The following MAN1C1 variants were observed in gnomAD, a reference collection of about 807,000 sequenced individuals.
The protein encoded by MAN1C1 is mannosidase alpha class 1C member 1.
In MAN1C1, 49 loss-of-function variants were observed where a neutral mutation model predicts 71.5. The ratio of observed to expected loss-of-function variants is 0.69; its 90% CI spans 0.54 to 0.87. MAN1C1 has a LOEUF of 0.87. Ranked by LOEUF, MAN1C1 falls within the 40% of genes least tolerant of loss-of-function variation. The pLI, the probability that MAN1C1 is intolerant of heterozygous loss-of-function variation, is 0.00. For missense variants in MAN1C1, 743 were observed against 835.0 expected (o/e 0.89, Z 1.36); for synonymous variants, 352 against 343.7 (o/e 1.02, Z -0.27).
At chr1:25,642,635 A>C (rs1158249845) in intron 1 of MAN1C1, among the ~76,000 whole-genome samples, 1 of 152,224 alleles carries the variant, frequency 6.6e-6, no homozygotes, top group African/African-American at 2.4e-5. Context: ...ATCTGCCCCA[A>C]CTATTTCTAG....
At chr1:25,744,601 C>A (rs894914949) in intron 2 of MAN1C1, among the ~76,000 whole-genome samples, 7 of 152,168 alleles carry the variant, frequency 4.6e-5, no homozygotes, top group African/African-American at 1.4e-4. Flanking sequence ...TCTTTGACCT[C>A]CAGCCTCATC....
chr1:25,778,092 A>C lies in MAN1C1; in HGVS notation c.1258-13A>C. 2.0e-6 allele frequency: 3 copies of C among 1,525,420 alleles called. No homozygotes were observed. Among genetic ancestry groups the C allele is most frequent in the Non-Finnish European group, 1.8e-6 (2 of 1,131,138 alleles). 94.5% of individuals were successfully genotyped at this position (1,525,420 alleles called of 1,614,324 possible). A position where few individuals can be genotyped will look rare whatever the true frequency, so the allele number is the denominator to read the frequency against. On this transcript the variant is annotated splice_polypyrimidine_tract_variant and intron_variant, in intron 8 of 11. Coordinates refer to ENST00000374332, the MANE Select transcript of MAN1C1 (RefSeq NM_020379.4). This position sits in a 1 kb window ranked among gnomAD's most constrained non-coding sequence, Gnocchi z 5.5. ...CGCCCCTTCTCCCTGCCCAATCCCC[A>C]CCTTGCTCCCAGGCGATAGAGACCT...
chr1:25,733,924 T>C (rs2046944797), intron 2 of MAN1C1, among the ~76,000 whole-genome samples: 1 of 151,676 alleles, frequency 6.6e-6, no homozygotes. Context: ...CTCTGCCTCC[T>C]GAGTAGCTGG....
intron 1 of MAN1C1, among the ~76,000 whole-genome samples, chr1:25,627,287 T>TTCTTC (rs59306066): frequency 0.082 from 12,469 of 151,756 alleles, 1,147 homozygotes; most frequent in East Asian, 0.22. Context: ...TTGTCTTCTC[T>TTCTTC]TCTTCTCTTC....
intron 1 of MAN1C1, among the ~76,000 whole-genome samples, chr1:25,679,829 T>C (rs902195619): frequency 6.6e-6 from 1 of 150,998 alleles, no homozygotes; most frequent in African/African-American, 2.4e-5. Context: ...AAATACTTCA[T>C]TGTATATTTC....
intron 1 of MAN1C1, among the ~76,000 whole-genome samples, chr1:25,659,403 A>G (rs1377915735): frequency 6.6e-6 from 1 of 152,154 alleles, no homozygotes; most frequent in Admixed American, 6.5e-5. Flanking sequence ...ATACTTCCTT[A>G]TGTAAAAAGC....
chr1:25,617,244 G>A lies in MAN1C1; in HGVS notation c.-554G>A, dbSNP rs2045112973. Among the ~76,000 whole-genome samples, 1 of 151,410 alleles carries A rather than the reference G, an allele frequency of 6.6e-6. No homozygotes were observed. Among genetic ancestry groups the A allele is most frequent in the African/African-American group, 2.4e-5 (1 of 41,296 alleles). ...GTCGAGCCCGGGCGCTGTCGCGACC[G>A]GGCCGGGTGTGCGCGCGCTCGGGGC... On this transcript the variant is annotated 5_prime_UTR_variant, in exon 1 of 12. Coordinates refer to ENST00000374332, the MANE Select transcript of MAN1C1 (RefSeq NM_020379.4). The surrounding 1 kb of genome is among the most constrained non-coding windows in gnomAD (Gnocchi z 5.1).
intron 1 of MAN1C1, among the ~76,000 whole-genome samples, chr1:25,676,908 G>A (rs2046076631): frequency 6.6e-6 from 1 of 152,110 alleles, no homozygotes; most frequent in Non-Finnish European, 1.5e-5. Flanking sequence ...AAACTTTGGA[G>A]TTTTCCACTC....
At chr1:25,638,680 T>A (rs2045497430) in intron 1 of MAN1C1, among the ~76,000 whole-genome samples, 1 of 152,156 alleles carries the variant, frequency 6.6e-6, no homozygotes. Context: ...GTTGACTCTT[T>A]CTTTACGCCA....
In MAN1C1 at chr1:25,617,920, C is replaced by A. The variant is rs1331748731; in HGVS notation, c.123C>A (p.Phe41Leu). Residue 41 changes from phenylalanine (F) to leucine (L), a missense_variant, in exon 1 of 12, where the codon TTC (phenylalanine) becomes TTA (leucine). Coordinates refer to ENST00000374332, the MANE Select transcript of MAN1C1 (RefSeq NM_020379.4). This position sits in a 1 kb window ranked among gnomAD's most constrained non-coding sequence, Gnocchi z 5.1. Reference protein sequence around the residue: ...GLVTLCFGALFLLPHSSRLKR... With the variant: ...GLVTLCFGALLLLPHSSRLKR... ...TCACCCTGTGCTTCGGGGCCCTCTT[C>A]CTGCTGCCCCACTCCTCTCGCCTCA... 6.2e-7 allele frequency: 1 copy of A among 1,607,228 alleles called. No individual in the cohort carries two copies. The highest frequency in any genetic ancestry group is 1.1e-5 in the South Asian group (1 of 90,136).
At chr1:25,667,887 T>C (rs1431713132) in intron 1 of MAN1C1, among the ~76,000 whole-genome samples, 1 of 152,194 alleles carries the variant, frequency 6.6e-6, no homozygotes, top group Non-Finnish European at 1.5e-5. Context: ...CACACTGAGC[T>C]GCCTGATTAA....
intron 1 of MAN1C1, among the ~76,000 whole-genome samples, chr1:25,672,962 CTGTT>C (rs2046012625): frequency 6.6e-6 from 1 of 151,886 alleles, no homozygotes; most frequent in Admixed American, 6.6e-5. Flanking sequence ...GCCCTGGTAG[CTGTT>C]TGGAGAAAGG....
At chr1:25,714,298 T>C (rs921023805) in intron 2 of MAN1C1, among the ~76,000 whole-genome samples, 2 of 152,196 alleles carry the variant, frequency 1.3e-5, no homozygotes, top group African/African-American at 4.8e-5. Flanking sequence ...AAGCACAAAC[T>C]AATACACACT....
intron 2 of MAN1C1, among the ~76,000 whole-genome samples, chr1:25,743,124 C>T (rs1216479228): frequency 6.6e-6 from 1 of 152,226 alleles, no homozygotes; most frequent in African/African-American, 2.4e-5. Context: ...GTCTTAACCT[C>T]ATTTTATAGA....
intron 1 of MAN1C1, among the ~76,000 whole-genome samples, chr1:25,653,169 C>T (rs7539165): frequency 0.05 from 7,572 of 152,208 alleles, 624 homozygotes; most frequent in African/African-American, 0.17. Context: ...TCTTGACCTC[C>T]TGGGCTCAAA....
intron 1 of MAN1C1, among the ~76,000 whole-genome samples, chr1:25,627,251 T>TTTCTCTTCTCTTCTCTTCTCTTCTC (rs140616480): frequency 6.6e-6 from 1 of 151,512 alleles, no homozygotes; most frequent in African/African-American, 2.4e-5. Context: ...ATTCCATTCT[T>TTTCTCTTCTCTTCTCTTCTCTTCTC]TTCTCTTCTC....
intron 2 of MAN1C1, among the ~76,000 whole-genome samples, chr1:25,699,953 G>T (rs559430414): frequency 6.6e-6 from 1 of 152,296 alleles, no homozygotes; most frequent in African/African-American, 2.4e-5. Context: ...TAAACGGTCA[G>T]CATGAGAACT....
intron 1 of MAN1C1, among the ~76,000 whole-genome samples, chr1:25,678,783 G>C (rs987989106): frequency 6.6e-6 from 1 of 152,126 alleles, no homozygotes; most frequent in Admixed American, 6.5e-5. Context: ...CAAAGCCTTT[G>C]TAATAAAATT....
chr1:25,771,473 C>T (rs2047550238), intron 7 of MAN1C1, among the ~76,000 whole-genome samples, 184 bp from the exon 8 acceptor site: 1 of 152,224 alleles, frequency 6.6e-6, no homozygotes, highest in South Asian at 2.1e-4. Flanking sequence ...GCCCTGGTTT[C>T]CTCCAAGTCG....
Sources: gnomAD v4.1 joint callset for allele counts (sites outside exome capture counted in the v4.1 genomes callset) on GRCh38, gnomAD v4.1.1 for gene constraint, Gnocchi (gnomAD v3.1) non-coding constraint, MANE v1.5 for transcripts, NCBI Gene and HGNC (gene_info 2026-07-23, HGNC 2026-07-21) for gene names.